ELMO1: variants seen among roughly 807,000 people sequenced by gnomAD.
The protein encoded by ELMO1 is engulfment and cell motility protein 1.
A neutral mutation model predicts 98.9 loss-of-function variants in ELMO1; 26 were observed. The ratio of observed to expected loss-of-function variants is 0.26; its 90% CI spans 0.19 to 0.36. The LOEUF (loss-of-function observed/expected upper bound fraction) is 0.36, where lower values mean the gene tolerates loss of function less well. Ranked by LOEUF, ELMO1 falls within the 10% of genes least tolerant of loss-of-function variation. ELMO1 has a pLI of 1.00. For missense variants in ELMO1, 627 were observed against 935.2 expected (o/e 0.67, Z 4.30); for synonymous variants, 346 against 346.0 (o/e 1.00, Z 0.00).
intron 2 of ELMO1, among the ~76,000 whole-genome samples, chr7:37,332,060 G>A (rs1047195271): frequency 1.3e-5 from 2 of 152,194 alleles, no homozygotes; most frequent in African/African-American, 4.8e-5. Flanking sequence ...TGATGAGGCT[G>A]ATCAATCCAA....
At chr7:37,256,156 T>C (rs73110809) in intron 6 of ELMO1, among the ~76,000 whole-genome samples, 1,855 of 152,276 alleles carry the variant, frequency 0.012, 37 homozygotes, top group African/African-American at 0.039. Context: ...AGCTCCAGCT[T>C]ACAGTAACCA....
At chr7:37,341,895 A>G (rs1374088895) in intron 2 of ELMO1, among the ~76,000 whole-genome samples, 1 of 152,242 alleles carries the variant, frequency 6.6e-6, no homozygotes, top group Non-Finnish European at 1.5e-5. Flanking sequence ...GAGTGACTAC[A>G]GTAAAGTGAG....
chr7:36,885,469 C>T (rs1237268178), intron 18 of ELMO1, among the ~76,000 whole-genome samples: 2 of 152,148 alleles, frequency 1.3e-5, no homozygotes, highest in African/African-American at 4.8e-5. Flanking sequence ...TAAATTGGTG[C>T]TAGGAGCTAG....
intron 15 of ELMO1, among the ~76,000 whole-genome samples, chr7:37,033,949 G>A (rs1468812971): frequency 6.6e-6 from 1 of 152,110 alleles, no homozygotes; most frequent in Non-Finnish European, 1.5e-5. Flanking sequence ...GAGAGACAGT[G>A]CTGTGCCAAA....
At chr7:36,962,411 T>C (rs1789028606) in intron 16 of ELMO1, among the ~76,000 whole-genome samples, 1 of 152,152 alleles carries the variant, frequency 6.6e-6, no homozygotes, top group African/African-American at 2.4e-5. Context: ...GTATGGAAGA[T>C]GGGTTAGCGT....
intron 13 of ELMO1, among the ~76,000 whole-genome samples, chr7:37,147,771 A>G (rs556144232): frequency 4.8e-5 from 7 of 146,916 alleles, no homozygotes; most frequent in Admixed American, 1.3e-4. Flanking sequence ...GAAATCGTGC[A>G]CACAAGAGTG....
intron 16 of ELMO1, among the ~76,000 whole-genome samples, chr7:36,929,095 A>G (rs968710513): frequency 6.6e-6 from 1 of 152,244 alleles, no homozygotes; most frequent in African/African-American, 2.4e-5. Context: ...GCTAGCAAGT[A>G]GCAGACTCTG....
chr7:37,135,987 A>G (rs1011596777), intron 13 of ELMO1, among the ~76,000 whole-genome samples: 10 of 152,220 alleles, frequency 6.6e-5, no homozygotes, highest in Admixed American at 5.9e-4. Flanking sequence ...AGGATACAGT[A>G]TATGAAAGAA....
At chr7:36,970,203 A>ACACACACACACACG (rs1323759564) in intron 16 of ELMO1, among the ~76,000 whole-genome samples, 1 of 151,764 alleles carries the variant, frequency 6.6e-6, no homozygotes, top group Non-Finnish European at 1.5e-5. Context: ...ACACACACAC[A>ACACACACACACACG]CACACACACA....
intron 13 of ELMO1, among the ~76,000 whole-genome samples, chr7:37,208,676 C>A (rs754150438): frequency 2.6e-5 from 4 of 152,126 alleles, no homozygotes; most frequent in African/African-American, 9.7e-5. Flanking sequence ...AATGACCATG[C>A]GGTTCTGTTT....
At chr7:37,355,684 T>A (rs1459928191) in intron 1 of ELMO1, among the ~76,000 whole-genome samples, 2 of 152,210 alleles carry the variant, frequency 1.3e-5, no homozygotes, top group Non-Finnish European at 2.9e-5. Context: ...GATGCCCTGA[T>A]GGAAAATAAG....
chr7:37,146,084 A>G (rs888524394), intron 13 of ELMO1, among the ~76,000 whole-genome samples: 1 of 152,130 alleles, frequency 6.6e-6, no homozygotes, highest in Non-Finnish European at 1.5e-5. Context: ...TCTAGCCCAA[A>G]TCAGTTCAAT....
intron 13 of ELMO1, among the ~76,000 whole-genome samples, chr7:37,165,938 G>T (rs55905758): frequency 0.63 from 95,271 of 151,914 alleles, 32,370 homozygotes; most frequent in Non-Finnish European, 0.76. Flanking sequence ...GTACCTCTGG[G>T]AGAATTCGGC....
intron 1 of ELMO1, among the ~76,000 whole-genome samples, chr7:37,354,957 G>A (rs1298064734): frequency 2.0e-5 from 3 of 152,304 alleles, no homozygotes; most frequent in East Asian, 1.9e-4. Context: ...GATTACCAGC[G>A]AAGGCCCCTG....
chr7:36,891,184 G>A (rs1287536412), intron 17 of ELMO1, among the ~76,000 whole-genome samples: 1 of 152,208 alleles, frequency 6.6e-6, no homozygotes, highest in Non-Finnish European at 1.5e-5. Flanking sequence ...TTCACCATGT[G>A]TATTGTCTTT....
chr7:37,267,423 C>T (rs1281793719), intron 5 of ELMO1, among the ~76,000 whole-genome samples: 2 of 152,192 alleles, frequency 1.3e-5, no homozygotes, highest in Non-Finnish European at 2.9e-5. Flanking sequence ...AACAATGATG[C>T]ATATAGCCAT....
At chr7:36,946,160 T>C (rs2129100104) in intron 16 of ELMO1, among the ~76,000 whole-genome samples, 1 of 152,386 alleles carries the variant, frequency 6.6e-6, no homozygotes, top group East Asian at 1.9e-4. Context: ...CTGCCATCTG[T>C]GGCGTTTCTG....
At chr7:37,023,846 A>C (rs1794417999) in intron 15 of ELMO1, among the ~76,000 whole-genome samples, 1 of 152,102 alleles carries the variant, frequency 6.6e-6, no homozygotes, top group Non-Finnish European at 1.5e-5. Flanking sequence ...AGCCTCTCAA[A>C]GTTCTGGGAT....
intron 13 of ELMO1, among the ~76,000 whole-genome samples, chr7:37,200,857 G>C (rs1792251580): frequency 6.6e-6 from 1 of 151,610 alleles, no homozygotes; most frequent in Admixed American, 6.6e-5. Flanking sequence ...GTCCTGAGGT[G>C]GTAGGATAGC....
Sources: gnomAD v4.1 joint callset for allele counts (sites outside exome capture counted in the v4.1 genomes callset) on GRCh38, gnomAD v4.1.1 for gene constraint, MANE v1.5 for transcripts, NCBI Gene and HGNC (gene_info 2026-07-23, HGNC 2026-07-21) for gene names.